Variants in TNIK observed in about 807,000 individuals in gnomAD.
The protein encoded by TNIK is TRAF2 and NCK interacting kinase.
In TNIK, 49 loss-of-function variants were observed where a neutral mutation model predicts 191.3. The observed-to-expected ratio is 0.26, with a 90% CI of 0.20 to 0.32. The LOEUF is 0.32. Ranked by LOEUF, TNIK falls within the 10% of genes least tolerant of loss-of-function variation. The pLI is 1.00. For missense variants in TNIK, 1,155 were observed against 1,702.3 expected, an observed-to-expected ratio of 0.68 and a Z score of 5.66; for synonymous variants, 594 against 600.9, an observed-to-expected ratio of 0.99 and a Z score of 0.17.
intron 10 of TNIK, among the ~76,000 whole-genome samples, chr3:171,165,611 C>A (rs1734520264): frequency 6.6e-6 from 1 of 152,138 alleles, no homozygotes; most frequent in African/African-American, 2.4e-5. Context: ...ATGCAAATAA[C>A]AGAAAGGCAG....
At chr3:171,306,468 C>T (rs1406811274) in intron 2 of TNIK, among the ~76,000 whole-genome samples, 20 of 152,088 alleles carry the variant, frequency 1.3e-4, no homozygotes, top group African/African-American at 4.3e-4. Flanking sequence ...GTGGGGAGTA[C>T]AAAATTACAT....
At chr3:171,240,525 G>C (rs540640089) in intron 2 of TNIK, among the ~76,000 whole-genome samples, 1 of 147,788 alleles carries the variant, frequency 6.8e-6, no homozygotes, top group Non-Finnish European at 1.5e-5. Context: ...TGTGATTGAG[G>C]TTCCATTTCT....
intron 2 of TNIK, among the ~76,000 whole-genome samples, chr3:171,232,718 G>A (rs1050740960): frequency 2.6e-5 from 4 of 151,648 alleles, no homozygotes; most frequent in Middle Eastern, 3.4e-3. Flanking sequence ...CTGGTCCTCA[G>A]ACACACTTAA....
chr3:171,181,666 A>C (rs1273722082), intron 7 of TNIK, among the ~76,000 whole-genome samples: 1 of 152,198 alleles, frequency 6.6e-6, no homozygotes, highest in Non-Finnish European at 1.5e-5. Flanking sequence ...GCCTTGAATA[A>C]AAATATGATA....
intron 2 of TNIK, among the ~76,000 whole-genome samples, chr3:171,231,326 T>TG (rs920969860): frequency 6.6e-6 from 1 of 152,004 alleles, no homozygotes; most frequent in African/African-American, 2.4e-5. Context: ...TGTTTTTTTT[T>TG]TTGTTTTTTT....
intron 1 of TNIK, among the ~76,000 whole-genome samples, chr3:171,455,828 A>C (rs1056884134): frequency 1.3e-5 from 2 of 152,216 alleles, no homozygotes; most frequent in African/African-American, 4.8e-5. Flanking sequence ...TCATTCAAGC[A>C]TTCATTCACG....
chr3:171,194,473 A>G (rs1738425462), intron 5 of TNIK, 52 bp downstream of exon 5: 20 of 1,480,906 alleles, frequency 1.4e-5, no homozygotes, highest in Non-Finnish European at 1.7e-5. Context: ...ATAAGATATC[A>G]TGTGTTGCTT....
chr3:171,296,509 T>C (rs1560389941), intron 2 of TNIK, among the ~76,000 whole-genome samples: 1 of 152,234 alleles, frequency 6.6e-6, no homozygotes, highest in African/African-American at 2.4e-5. Context: ...ACAGCTGACT[T>C]GTCCTCTTTC....
intron 19 of TNIK, among the ~76,000 whole-genome samples, chr3:171,110,476 C>T (rs1725679645): frequency 6.6e-6 from 1 of 152,116 alleles, no homozygotes. Context: ...GGTGATCTCC[C>T]TGGAAAACAC....
chr3:171,394,745 G>A (rs541471122), intron 1 of TNIK, among the ~76,000 whole-genome samples: 1 of 152,164 alleles, frequency 6.6e-6, no homozygotes, highest in Non-Finnish European at 1.5e-5. Context: ...TTGTTTCTTA[G>A]TTTCTTTCCA....
rs1447919552 is a variant in TNIK, at chr3:171,159,861, CAT to C, written c.1016+1407_1016+1408del. Among the ~76,000 whole-genome samples the C allele has an allele frequency of 1.3e-5, 2 of 152,352 alleles. No individual in the cohort carries two copies. Among genetic ancestry groups the C allele is most frequent in the African/African-American group, 4.8e-5 (2 of 41,582 alleles). On this transcript the variant is annotated intron_variant, in intron 11 of 32. Transcript: ENST00000436636. This position sits in a 1 kb window ranked among gnomAD's most constrained non-coding sequence, Gnocchi z 4.1. ...ATAACAACAACAACAGGACTTGGAA[CAT>C]AATCTTCAGCATGATATAATGACAT... is the stretch of plus-strand genomic sequence containing the variant.
intron 22 of TNIK, among the ~76,000 whole-genome samples, chr3:171,099,210 G>A (rs942506659): frequency 3.3e-5 from 5 of 152,058 alleles, no homozygotes; most frequent in African/African-American, 9.6e-5. Context: ...CTCAAGATAC[G>A]TTCAATGGTT....
rs555581896 is a variant in TNIK at position 171,174,812 on chromosome 3, G to C, written c.773+440C>G. Reference sequence around the variant, plus strand: ...ACTGCAAATGCTCATACACGAGCCAGAGAAATAATCTCAAACATTACCTGG... The same window carrying C: ...ACTGCAAATGCTCATACACGAGCCACAGAAATAATCTCAAACATTACCTGG... On this transcript the variant is annotated intron_variant, in intron 9 of 32. Coordinates refer to ENST00000436636, the MANE Select transcript of TNIK (RefSeq NM_015028.4). 3.9e-3 allele frequency among the ~76,000 whole-genome samples: 593 copies of C among 152,298 alleles called. 4 individuals are homozygous for C. The highest frequency in any genetic ancestry group is 0.014 in the African/African-American group (569 of 41,552).
chr3:171,146,036 A>G (rs1410449116), intron 12 of TNIK, among the ~76,000 whole-genome samples: 1 of 152,154 alleles, frequency 6.6e-6, no homozygotes, highest in Non-Finnish European at 1.5e-5. Flanking sequence ...TGATCTCAGA[A>G]AGCTTGTCTG....
chr3:171,247,573 T>A (rs1336443653), intron 2 of TNIK, among the ~76,000 whole-genome samples: 1 of 152,056 alleles, frequency 6.6e-6, no homozygotes, highest in East Asian at 1.9e-4. Context: ...TGTCCATTAG[T>A]CCAGTGGAGA....
chr3:171,415,268 TC>T (rs1446626783), intron 1 of TNIK, among the ~76,000 whole-genome samples: 1 of 152,186 alleles, frequency 6.6e-6, no homozygotes, highest in African/African-American at 2.4e-5. Context: ...CCCTACTGTT[TC>T]ATCATAGCAC....
chr3:171,293,899 G>C (rs1751968725), intron 2 of TNIK, among the ~76,000 whole-genome samples: 1 of 152,090 alleles, frequency 6.6e-6, no homozygotes, highest in African/African-American at 2.4e-5. Flanking sequence ...GAGCAACACA[G>C]CAAGAGCTCA....
chr3:171,073,591 C>T lies in TNIK; in HGVS notation c.3449-2268G>A, dbSNP rs548998928. On this transcript the variant is annotated intron_variant, in intron 28 of 32. Coordinates refer to ENST00000436636, the MANE Select transcript of TNIK (RefSeq NM_015028.4). The stretch of plus-strand genomic sequence containing the variant: ...ACAATCAACAGAGTAAGGAGACAAC[C>T]TACATGATGGGAGAAAATATTTGCA... Among the ~76,000 whole-genome samples the T allele has an allele frequency of 1.2e-3, 179 of 152,146 alleles. 2 individuals carry two copies. Among genetic ancestry groups the T allele is most frequent in the Non-Finnish European group, 6.9e-4 (47 of 67,988 alleles).
intron 1 of TNIK, among the ~76,000 whole-genome samples, chr3:171,436,661 A>T (rs61580087): frequency 0.22 from 32,743 of 152,102 alleles, 5,285 homozygotes; most frequent in African/African-American, 0.46. Context: ...ATGAGCCCAA[A>T]TTATTTCATG....
Sources: allele counts gnomAD v4.1 joint callset (sites outside exome capture counted in the v4.1 genomes callset), GRCh38; gene constraint gnomAD v4.1.1; non-coding constraint Gnocchi (gnomAD v3.1); transcripts MANE v1.5; gene names NCBI Gene and HGNC (gene_info 2026-07-23, HGNC 2026-07-21).